EML1: variants seen among roughly 807,000 people sequenced by gnomAD.
EML1 encodes the protein EMAP like 1.
A neutral mutation model predicts 110.4 loss-of-function variants in EML1; 27 were observed. The ratio of observed to expected loss-of-function variants is 0.24; its 90% CI spans 0.18 to 0.34. The LOEUF (loss-of-function observed/expected upper bound fraction) is 0.34. EML1 is among the 10% of genes least tolerant of loss of function. The pLI is 1.00. For synonymous variants in EML1, 344 were observed against 385.8 expected, an observed-to-expected ratio of 0.89 and a Z score of 1.27; for missense variants, 741 against 1,030.9, an observed-to-expected ratio of 0.72 and a Z score of 3.85.
chr14:99,842,815 A>G (rs2058652912), intron 1 of EML1, among the ~76,000 whole-genome samples: 1 of 152,148 alleles, frequency 6.6e-6, no homozygotes, highest in South Asian at 2.1e-4. Flanking sequence ...TTGAAAATGC[A>G]AGGTTATACT....
intron 1 of EML1, among the ~76,000 whole-genome samples, chr14:99,780,113 A>ATC (rs1356382466): frequency 2.0e-5 from 3 of 151,962 alleles, no homozygotes; most frequent in South Asian, 2.1e-4. Flanking sequence ...TAAGAGATAT[A>ATC]TCTCTCTCTC....
chr14:99,762,105 A>G (rs2057320335), intron 1 of EML1, among the ~76,000 whole-genome samples: 1 of 152,130 alleles, frequency 6.6e-6, no homozygotes, highest in South Asian at 2.1e-4. Context: ...CGGACAGGAA[A>G]GGGGCTTTAC....
intron 1 of EML1, among the ~76,000 whole-genome samples, chr14:99,836,264 G>A (rs72708392): frequency 0.24 from 36,949 of 152,014 alleles, 4,905 homozygotes; most frequent in Non-Finnish European, 0.29. Flanking sequence ...AGATGTATAT[G>A]CACCTATTTC....
At chr14:99,891,148 A>G (rs374123172) in intron 4 of EML1, 51 bp from the exon 5 acceptor site, 244 of 1,613,006 alleles carry the variant, frequency 1.5e-4, no homozygotes, top group Non-Finnish European at 1.9e-4. Context: ...AGTGAATGAG[A>G]TGAAACACCC....
chr14:99,738,135 G>C (rs571800933), intron 1 of EML1, among the ~76,000 whole-genome samples: 1 of 152,246 alleles, frequency 6.6e-6, no homozygotes, highest in Non-Finnish European at 1.5e-5. Context: ...GGCCAGAGCT[G>C]ACCCAGGACA....
At chr14:99,776,398 G>A (rs2057482855) in intron 1 of EML1, among the ~76,000 whole-genome samples, 1 of 152,052 alleles carries the variant, frequency 6.6e-6, no homozygotes, top group African/African-American at 2.4e-5. Flanking sequence ...CAGCTACTTG[G>A]GAGACTGAGG....
At position 99,781,051 on chromosome 14, in the gene EML1, A is replaced by G. The variant is rs535746720; in HGVS notation, c.-27+7038A>G. Among the ~76,000 whole-genome samples, 1 of 152,174 alleles carries G rather than the reference A, an allele frequency of 6.6e-6. No homozygotes were observed. Among genetic ancestry groups the G allele is most frequent in the Non-Finnish European group, 1.5e-5 (1 of 68,014 alleles). On this transcript the variant is annotated intron_variant, in intron 1 of 22. Coordinates refer to the EML1 transcript ENST00000327921. This position sits in a 1 kb window ranked among gnomAD's most constrained non-coding sequence, Gnocchi z 4.2. Reference sequence around the variant, plus strand: ...TTAACCTTCCTCTCCCGGGTGATGAAGCATCTCTCCTTCTTTCCAAGGACA... The same window carrying G: ...TTAACCTTCCTCTCCCGGGTGATGAGGCATCTCTCCTTCTTTCCAAGGACA...
intron 3 of EML1, among the ~76,000 whole-genome samples, chr14:99,868,434 T>C (rs577031780): frequency 6.6e-6 from 1 of 152,274 alleles, no homozygotes; most frequent in Admixed American, 6.5e-5. Context: ...GCTGCAGCCA[T>C]TGGGTCCTGG....
intron 17 of EML1, among the ~76,000 whole-genome samples, chr14:99,933,955 C>T (rs571049643): frequency 2.0e-5 from 3 of 152,196 alleles, no homozygotes; most frequent in African/African-American, 4.8e-5. Context: ...ATTAGCCAGG[C>T]GCAGTGGCAT....
intron 1 of EML1, among the ~76,000 whole-genome samples, chr14:99,847,512 G>T (rs544101250): frequency 6.6e-6 from 1 of 152,066 alleles, no homozygotes; most frequent in Non-Finnish European, 1.5e-5. Context: ...ACCATGCCTG[G>T]CTAATTTTTA....
intron 4 of EML1, among the ~76,000 whole-genome samples, chr14:99,882,856 A>G (rs985769723): frequency 9.9e-5 from 15 of 150,978 alleles, no homozygotes; most frequent in African/African-American, 3.4e-4. Flanking sequence ...AATAGTGAAG[A>G]CGTTGGCATG....
intron 9 of EML1, among the ~76,000 whole-genome samples, chr14:99,902,164 C>T (rs2059773775): frequency 6.6e-6 from 1 of 152,186 alleles, no homozygotes; most frequent in African/African-American, 2.4e-5. Flanking sequence ...GCTTATCCTG[C>T]ATTCCTACAC....
intron 1 of EML1, among the ~76,000 whole-genome samples, chr14:99,815,672 CTT>C (rs1315832848): frequency 6.6e-6 from 1 of 152,134 alleles, no homozygotes. Flanking sequence ...AGAAAAACAA[CTT>C]TGATTGGATG....
chr14:99,787,340 C>T (rs2057612615), intron 1 of EML1, among the ~76,000 whole-genome samples: 1 of 135,360 alleles, frequency 7.4e-6, no homozygotes, highest in Admixed American at 8.3e-5. Context: ...TGGGCACGAT[C>T]TTGGCTCGGC....
intron 15 of EML1, chr14:99,915,004 G>A (rs556248789): frequency 1.6e-5 from 6 of 384,348 alleles, no homozygotes; most frequent in African/African-American, 4.3e-5. Flanking sequence ...AAAAATACTT[G>A]TTATGAGCCT....
At chr14:99,774,434 T>A (rs2057460053) in intron 1 of EML1, among the ~76,000 whole-genome samples, 1 of 152,184 alleles carries the variant, frequency 6.6e-6, no homozygotes, top group Non-Finnish European at 1.5e-5. Context: ...ATGCCCAGTA[T>A]TTTTGTAATG....
intron 9 of EML1, among the ~76,000 whole-genome samples, chr14:99,901,651 C>T (rs1439029801): frequency 6.6e-6 from 1 of 152,186 alleles, no homozygotes; most frequent in African/African-American, 2.4e-5. Flanking sequence ...CCTGATGCTG[C>T]CATGGCATTT....
intron 8 of EML1, among the ~76,000 whole-genome samples, chr14:99,899,917 C>T (rs1346324203): frequency 2.0e-5 from 3 of 152,178 alleles, no homozygotes; most frequent in East Asian, 3.9e-4. Flanking sequence ...TGAATGCCCG[C>T]GGACACCCAG....
intron 6 of EML1, among the ~76,000 whole-genome samples, chr14:99,895,915 G>C (rs904556175): frequency 1.3e-5 from 2 of 151,874 alleles, no homozygotes; most frequent in South Asian, 2.1e-4. Flanking sequence ...AATCAAAAAG[G>C]CTCCCCAAAA....
Sources: gnomAD v4.1 joint callset for allele counts (sites outside exome capture counted in the v4.1 genomes callset) on GRCh38, gnomAD v4.1.1 for gene constraint, Gnocchi (gnomAD v3.1) non-coding constraint, MANE v1.5 for transcripts, NCBI Gene and HGNC (gene_info 2026-07-23, HGNC 2026-07-21) for gene names.